The following PRDM11 variants were observed in gnomAD, a reference collection of about 807,000 sequenced individuals.
The protein encoded by PRDM11 is PR/SET domain 11.
A neutral mutation model predicts 97.8 loss-of-function variants in PRDM11; 20 were observed. The observed-to-expected ratio is 0.20, with a 90% confidence interval of 0.14 to 0.30. The LOEUF is 0.30. PRDM11 is among the 10% of genes least tolerant of loss of function. The pLI, the probability that PRDM11 is intolerant of heterozygous loss-of-function variation, is 1.00. For synonymous variants in PRDM11, 599 were observed against 637.7 expected (o/e 0.94, Z 0.91); for missense variants, 1,139 against 1,555.2 (o/e 0.73, Z 4.50).
rs772861748 is a variant in PRDM11, at chr11:45,224,538, A to T, written c.1064A>T (p.Asn355Ile). The change falls in exon 7 of 8, where the codon AAT becomes ATT. Residue 355 changes from asparagine to isoleucine, a missense_variant. Asn to Ile is a moderately radical substitution (Grantham distance 149, BLOSUM62 -3). Transcript: ENST00000683152. The part of the protein sequence containing the change: ...CATTMTHGVQ[N>I]IGQTQGEGDW... ...ACAACAATGACCCATGGTGTGCAGA[A>T]TATAGGCCAGACCCAGGGGGAGGGG... 4 of 1,614,088 alleles carry T rather than the reference A, an allele frequency of 2.5e-6. No homozygotes were observed. Among genetic ancestry groups the T allele is most frequent in the Non-Finnish European group, 3.4e-6 (4 of 1,180,010 alleles).
chr11:45,146,018 C>T (rs1251591383), upstream of PRDM11, among the ~76,000 whole-genome samples: 1 of 152,224 alleles, frequency 6.6e-6, no homozygotes, highest in Non-Finnish European at 1.5e-5. Context: ...GAATCTCTCT[C>T]CCTCTGTAAC....
intron 1 of PRDM11, among the ~76,000 whole-genome samples, chr11:45,175,893 G>C (rs1022731874): frequency 1.3e-5 from 2 of 152,098 alleles, no homozygotes; most frequent in East Asian, 3.9e-4. Context: ...GTTTTAATTT[G>C]TATTTATTTG....
In PRDM11 at chr11:45,230,102, A is replaced by G. The variant is rs934053086; in HGVS notation, c.*1943A>G. ...AACTTTAGAATCATTGCTGCTAGTCAATAGCTTTTCATTATATAAATATAT... is the reference window on the plus strand; with the variant it reads ...AACTTTAGAATCATTGCTGCTAGTCGATAGCTTTTCATTATATAAATATAT... On this transcript the variant is annotated 3_prime_UTR_variant, in exon 8 of 8. Coordinates refer to ENST00000683152, the MANE Select transcript of PRDM11 (RefSeq NM_001384648.1). 6.6e-6 allele frequency: 1 copy of G among 150,996 alleles called. No individual in the cohort carries two copies. The highest frequency in any genetic ancestry group is 2.4e-5 in the African/African-American group (1 of 41,202). The allele number at this position is 150,996 out of a possible 1,614,324, so 9.4% of individuals were successfully genotyped here.
At chr11:45,190,632 G>A (rs938206511) in intron 4 of PRDM11, among the ~76,000 whole-genome samples, 1 of 151,722 alleles carries the variant, frequency 6.6e-6, no homozygotes, top group Non-Finnish European at 1.5e-5. Flanking sequence ...GGACTGTGCA[G>A]CCTCTGTCAT....
chr11:45,178,591 T>C (rs1852388214), intron 1 of PRDM11, among the ~76,000 whole-genome samples: 1 of 152,228 alleles, frequency 6.6e-6, no homozygotes, highest in Non-Finnish European at 1.5e-5. Context: ...GAGTTGAGAT[T>C]CCCAATGGGA....
intron 1 of PRDM11, among the ~76,000 whole-genome samples, chr11:45,163,730 G>T (rs1434248260): frequency 6.6e-6 from 1 of 152,212 alleles, no homozygotes; most frequent in African/African-American, 2.4e-5. Context: ...TATGGAGCTT[G>T]CTGATACCTG....
At chr11:45,106,022 A>G (rs1299071249) in intron 1 of PRDM11, among the ~76,000 whole-genome samples, 1 of 152,116 alleles carries the variant, frequency 6.6e-6, no homozygotes, top group East Asian at 1.9e-4. Flanking sequence ...GCAAGAAATC[A>G]TCCGTTTTCA....
intron 1 of PRDM11, among the ~76,000 whole-genome samples, chr11:45,164,205 C>G (rs1050444641): frequency 6.6e-6 from 1 of 152,196 alleles, no homozygotes; most frequent in African/African-American, 2.4e-5. Context: ...ATCCAGCATC[C>G]TTTAGGTCTG....
intron 1 of PRDM11, among the ~76,000 whole-genome samples, chr11:45,155,623 G>A (rs995811117): frequency 1.3e-5 from 2 of 152,046 alleles, no homozygotes; most frequent in African/African-American, 4.8e-5. Context: ...TGGAGAGGGG[G>A]TGCAGGGGTG....
chr11:45,186,426 T>C (rs1251543247), intron 4 of PRDM11, among the ~76,000 whole-genome samples: 1 of 152,130 alleles, frequency 6.6e-6, no homozygotes, highest in South Asian at 2.1e-4. Context: ...AAACTAAGTA[T>C]ATAAATTAAT....
intron 4 of PRDM11, among the ~76,000 whole-genome samples, chr11:45,187,834 A>ATG (rs1458116682): frequency 8.7e-6 from 1 of 114,688 alleles, no homozygotes; most frequent in African/African-American, 3.6e-5. Context: ...GTGTGTGTGT[A>ATG]TGTGTGTGTT....
At chr11:45,114,043 C>T (rs934112216) in intron 1 of PRDM11, among the ~76,000 whole-genome samples, 16 of 151,942 alleles carry the variant, frequency 1.1e-4, no homozygotes, top group African/African-American at 3.9e-4. Context: ...CCAGGACTTC[C>T]AGTACTATGT....
intron 2 of PRDM11, 85 bp downstream of exon 2, chr11:45,181,970 T>C: frequency 8.1e-7 from 1 of 1,232,426 alleles, no homozygotes; most frequent in Non-Finnish European, 1.1e-6. Flanking sequence ...CTGGGAAACG[T>C]TCTCACTCCT....
At chr11:45,126,141 A>G (rs1442944663) in intron 1 of PRDM11, among the ~76,000 whole-genome samples, 1 of 152,062 alleles carries the variant, frequency 6.6e-6, no homozygotes, top group Non-Finnish European at 1.5e-5. Flanking sequence ...CTGTTTTATC[A>G]GAGACTAGGA....
intron 4 of PRDM11, among the ~76,000 whole-genome samples, chr11:45,191,425 T>C (rs766668050): frequency 1.3e-5 from 2 of 152,228 alleles, no homozygotes; most frequent in Non-Finnish European, 2.9e-5. Context: ...TATTTGACAT[T>C]CTTCTGTTTA....
intron 1 of PRDM11, among the ~76,000 whole-genome samples, chr11:45,098,481 T>G (rs1851920861): frequency 1.3e-5 from 2 of 151,902 alleles, no homozygotes; most frequent in African/African-American, 4.8e-5. Flanking sequence ...TGGCATGAGA[T>G]GAGGTCAGTG....
At chr11:45,111,909 C>T (rs923411442) in intron 1 of PRDM11, among the ~76,000 whole-genome samples, 27 of 152,108 alleles carry the variant, frequency 1.8e-4, no homozygotes, top group African/African-American at 5.3e-4. Flanking sequence ...GAGACTATGT[C>T]TAACACCCAG....
At chr11:45,135,757 T>C (rs1315829555) in intron 1 of PRDM11, among the ~76,000 whole-genome samples, 3 of 152,162 alleles carry the variant, frequency 2.0e-5, no homozygotes, top group Non-Finnish European at 4.4e-5. Context: ...AACCTATAAA[T>C]TTAATGGCAT....
chr11:45,182,378 T>A, intron 3 of PRDM11, 29 bp downstream of exon 3: 2 of 1,590,142 alleles, frequency 1.3e-6, no homozygotes, highest in Non-Finnish European at 1.7e-6. Context: ...TCTGGGCTGC[T>A]CCTCCCTTCA....
Sources: allele counts gnomAD v4.1 joint callset (sites outside exome capture counted in the v4.1 genomes callset), GRCh38; gene constraint gnomAD v4.1.1; transcripts MANE v1.5; gene names NCBI Gene and HGNC (gene_info 2026-07-23, HGNC 2026-07-21).